The following ROBO2 variants were observed in gnomAD, a reference collection of about 807,000 sequenced individuals.
ROBO2 encodes the protein roundabout guidance receptor 2.
ROBO2 carries 53 observed loss-of-function variants against 160.8 expected under a neutral mutation model. That is an observed-to-expected ratio of 0.33 (90% CI 0.26 to 0.41). ROBO2 has a LOEUF of 0.41. ROBO2 is among the 10% of genes least tolerant of loss of function. The probability of loss-of-function intolerance (pLI) is 1.00; values close to 1 mark genes in which losing one functional copy is unlikely to be tolerated. For synonymous variants in ROBO2, 664 were observed against 611.7 expected (o/e 1.09, Z -1.26); for missense variants, 1,577 against 1,722.4 (o/e 0.92, Z 1.49).
At chr3:75,989,124 T>A (rs1387415361) in intron 2 of ROBO2, among the ~76,000 whole-genome samples, 2 of 149,988 alleles carry the variant, frequency 1.3e-5, no homozygotes, top group East Asian at 3.8e-4. Flanking sequence ...TGTTGTTTTG[T>A]TTGTTTGTTT....
At chr3:76,343,572 C>G (rs1225951973) in intron 2 of ROBO2, among the ~76,000 whole-genome samples, 1 of 151,104 alleles carries the variant, frequency 6.6e-6, no homozygotes, top group Non-Finnish European at 1.5e-5. Context: ...GCCATTGAAA[C>G]TAATGGTAAA....
chr3:76,060,037 T>C (rs2107877522), intron 2 of ROBO2, among the ~76,000 whole-genome samples: 1 of 152,180 alleles, frequency 6.6e-6, no homozygotes, highest in African/African-American at 2.4e-5. Context: ...GAGAAACTCT[T>C]TTATATATTT....
At chr3:77,383,238 T>C (rs1467104253) in intron 2 of ROBO2, among the ~76,000 whole-genome samples, 3 of 152,056 alleles carry the variant, frequency 2.0e-5, no homozygotes, top group Non-Finnish European at 4.4e-5. Context: ...AATTTTCTCA[T>C]CTGTAAAATG....
At chr3:76,859,465 G>A (rs1024922304) in intron 2 of ROBO2, among the ~76,000 whole-genome samples, 3 of 152,012 alleles carry the variant, frequency 2.0e-5, no homozygotes, top group Non-Finnish European at 4.4e-5. Context: ...AATCCAATTG[G>A]CCCTCTGATG....
chr3:76,707,027 T>C (rs538080683), intron 2 of ROBO2, among the ~76,000 whole-genome samples: 2 of 152,086 alleles, frequency 1.3e-5, no homozygotes, highest in South Asian at 4.1e-4. Flanking sequence ...CATATATATA[T>C]ATATTCTAAT....
At chr3:76,349,013 C>T (rs2074709163) in intron 2 of ROBO2, among the ~76,000 whole-genome samples, 1 of 152,056 alleles carries the variant, frequency 6.6e-6, no homozygotes, top group African/African-American at 2.4e-5. Context: ...TTATACATGG[C>T]AACTTTAATC....
At chr3:76,076,944 G>T (rs2068662220) in intron 2 of ROBO2, among the ~76,000 whole-genome samples, 1 of 152,142 alleles carries the variant, frequency 6.6e-6, no homozygotes, top group Non-Finnish European at 1.5e-5. Flanking sequence ...CAGACGTCTA[G>T]GTTGGATTTA....
chr3:76,675,782 G>A lies in ROBO2; in HGVS notation c.110-422232G>A, dbSNP rs576720070. On this transcript the variant is annotated intron_variant, in intron 2 of 26. Transcript: ENST00000487694. ...AAGTCTCAGAATTTAAACACGTTAA[G>A]AGGATTTTTTTCTTAATATTCCAAA... 5.3e-5 allele frequency among the ~76,000 whole-genome samples: 8 copies of A among 152,294 alleles called. No individual in the cohort carries two copies. In the South Asian group the frequency reaches 6.2e-4, roughly 12 times the overall value.
chr3:76,690,738 C>G (rs1371465664), intron 2 of ROBO2, among the ~76,000 whole-genome samples: 1 of 152,062 alleles, frequency 6.6e-6, no homozygotes, highest in African/African-American at 2.4e-5. Flanking sequence ...ATCCCTAGTA[C>G]CTTACTGGTT....
At chr3:77,054,923 CGTGTATGTGTGT>C (rs1260964578) in intron 1 of ROBO2, among the ~76,000 whole-genome samples, 1 of 58,766 alleles carries the variant, frequency 1.7e-5, no homozygotes, top group African/African-American at 5.8e-5. Flanking sequence ...CAAAATCTCG[CGTGTATGTGTGT>C]GTGTGTGTGT....
chr3:77,317,272 G>A, intron 2 of ROBO2: 1 of 771,838 alleles, frequency 1.3e-6, no homozygotes, highest in Non-Finnish European at 2.3e-6. Context: ...CTTGATTTTA[G>A]CATTTTTTTT....
intron 2 of ROBO2, among the ~76,000 whole-genome samples, chr3:76,125,376 TG>T (rs1175850009): frequency 6.6e-6 from 1 of 152,134 alleles, no homozygotes; most frequent in African/African-American, 2.4e-5. Flanking sequence ...ATGGGATTGC[TG>T]GGTCAAATGG....
chr3:77,027,233 A>G (rs2063023874), intron 2 of ROBO2, among the ~76,000 whole-genome samples: 1 of 152,160 alleles, frequency 6.6e-6, no homozygotes, highest in Admixed American at 6.5e-5. Context: ...TGTCTTTCTG[A>G]TGACAATGGT....
intron 23 of ROBO2, among the ~76,000 whole-genome samples, chr3:77,625,681 A>G (rs1365855478): frequency 6.6e-6 from 1 of 152,102 alleles, no homozygotes; most frequent in Non-Finnish European, 1.5e-5. Flanking sequence ...CGGCCCATGC[A>G]AGGCATCTTT....
At chr3:77,111,294 C>G (rs1237009232) in intron 2 of ROBO2, among the ~76,000 whole-genome samples, 1 of 151,902 alleles carries the variant, frequency 6.6e-6, no homozygotes, top group African/African-American at 2.4e-5. Flanking sequence ...TAAGTATACA[C>G]AGGAAGTATG....
At chr3:77,085,499 G>A (rs1385708195) in intron 1 of ROBO2, among the ~76,000 whole-genome samples, 1 of 152,076 alleles carries the variant, frequency 6.6e-6, no homozygotes, top group African/African-American at 2.4e-5. Flanking sequence ...GAAGAAATAT[G>A]ATGCTGTCAC....
At chr3:76,899,156 CA>C (rs757801276) in intron 2 of ROBO2, among the ~76,000 whole-genome samples, 1 of 151,896 alleles carries the variant, frequency 6.6e-6, no homozygotes, top group Non-Finnish European at 1.5e-5. Flanking sequence ...TAAATAAAAC[CA>C]GATTTATTTT....
In ROBO2 at chr3:76,370,610, A is replaced by G. The variant is rs559167730; in HGVS notation, c.109+433008A>G. On this transcript the variant is annotated intron_variant, in intron 2 of 26. Transcript: ENST00000487694. The stretch of plus-strand genomic sequence containing the variant: ...GTCAAGACTTTTCTATAAGAAAATA[A>G]GGGAATATTGGAGCTGACATTTCTT... 2.6e-5 allele frequency among the ~76,000 whole-genome samples: 4 copies of G among 152,086 alleles called. No individual in the cohort carries two copies. In the South Asian group the frequency reaches 8.3e-4, roughly 32 times the overall value.
At chr3:76,200,083 C>A (rs140417151) in intron 2 of ROBO2, among the ~76,000 whole-genome samples, 1,899 of 152,180 alleles carry the variant, frequency 0.012, 48 homozygotes, top group African/African-American at 0.043. Flanking sequence ...ACTAGACTAG[C>A]AAAAGACAGA....
Sources: allele counts gnomAD v4.1 joint callset (sites outside exome capture counted in the v4.1 genomes callset), GRCh38; gene constraint gnomAD v4.1.1; transcripts MANE v1.5; gene names NCBI Gene and HGNC (gene_info 2026-07-23, HGNC 2026-07-21).